The following SLC11A2 variants were observed in gnomAD, a reference collection of about 807,000 sequenced individuals.
The protein encoded by SLC11A2 is solute carrier family 11 member 2.
In SLC11A2, 38 loss-of-function variants were observed where a neutral mutation model predicts 68.0. The observed-to-expected ratio is 0.56, with a 90% CI of 0.43 to 0.73. SLC11A2 has a LOEUF of 0.73. Ranked by LOEUF, SLC11A2 falls within the 30% of genes least tolerant of loss-of-function variation. The probability of loss-of-function intolerance (pLI) is 0.00; values close to 1 mark genes in which losing one functional copy is unlikely to be tolerated. For missense variants in SLC11A2, 517 were observed against 690.5 expected (o/e 0.75, Z 2.82); for synonymous variants, 242 against 250.6 (o/e 0.97, Z 0.32).
At position 50,985,995 on chromosome 12, in the gene SLC11A2, G is replaced by T; in HGVS notation, c.*2330C>A. ...AAAAAATACCCAGGAAACCAAATTG[G>T]AAAAAGAAATTTTTTTTTAATTAGA... On this transcript the variant is annotated 3_prime_UTR_variant, in exon 16 of 16. Transcript: ENST00000262052. 2 of 1,145,982 alleles carry T rather than the reference G, an allele frequency of 1.7e-6. No homozygotes were observed. The highest frequency in any genetic ancestry group is 3.7e-5 in the South Asian group (2 of 54,150). The allele number at this position is 1,145,982 out of a possible 1,614,324, so 71.0% of individuals were successfully genotyped here. A position where few individuals can be genotyped will look rare whatever the true frequency, so the allele number is the denominator to read the frequency against.
chr12:51,015,180 T>C (rs1157144003), intron 1 of SLC11A2, among the ~76,000 whole-genome samples: 1 of 99,778 alleles, frequency 1.0e-5, no homozygotes, highest in East Asian at 2.9e-4. Context: ...AAAAAATTAA[T>C]AAAACTAGGG....
the SLC11A2 span, among the ~76,000 whole-genome samples, chr12:50,963,389 A>AAAAAAAAAAAAAAAAAAAG: frequency 7.4e-6 from 1 of 134,448 alleles, no homozygotes. Flanking sequence ...AAAAAAAAAA[A>AAAAAAAAAAAAAAAAAAAG]AAAAGAAAAG....
chr12:50,996,844 G>C lies in SLC11A2; in HGVS notation c.804C>G (p.Asn268Lys). Reference sequence around the variant, plus strand: ...TGACTAAGGCAGAATGCAGGTACATGTTGTGTGGCATGATGACAGCTCCCA... The same window carrying C: ...TGACTAAGGCAGAATGCAGGTACATCTTGTGTGGCATGATGACAGCTCCCA... Reference protein sequence around the residue: ...GIVGAVIMPHNMYLHSALVKS... With the variant: ...GIVGAVIMPHKMYLHSALVKS... Residue 268 changes from asparagine (N) to lysine (K), a missense_variant, in exon 9 of 16, where the codon AAC becomes AAG. By Grantham distance (94) the Asn-to-Lys change is moderately conservative. Transcript: ENST00000262052. 1.9e-6 allele frequency: 3 copies of C among 1,614,126 alleles called. No homozygotes were observed. The highest frequency in any genetic ancestry group is 2.5e-6 in the Non-Finnish European group (3 of 1,180,010).
At chr12:51,011,442 T>G (rs1435617322) in intron 1 of SLC11A2, among the ~76,000 whole-genome samples, 2 of 151,868 alleles carry the variant, frequency 1.3e-5, no homozygotes, top group East Asian at 3.9e-4. Flanking sequence ...AAATACTTTT[T>G]TAATAAGCAT....
chr12:50,976,791 C>T (rs1017770656), downstream of SLC11A2, among the ~76,000 whole-genome samples: 2 of 152,204 alleles, frequency 1.3e-5, no homozygotes, highest in African/African-American at 4.8e-5. Flanking sequence ...GCAACTTCAG[C>T]AAAGTCTCAG....
At chr12:50,967,488 G>A in the SLC11A2 span, among the ~76,000 whole-genome samples, 1 of 152,040 alleles carries the variant, frequency 6.6e-6, no homozygotes, top group African/African-American at 2.4e-5. Context: ...CATTGCCCAA[G>A]CTGGTCTCGA....
chr12:50,965,438 T>G, the SLC11A2 span, among the ~76,000 whole-genome samples: 1 of 152,060 alleles, frequency 6.6e-6, no homozygotes, highest in Admixed American at 6.6e-5. Flanking sequence ...TTTACTATTT[T>G]TCCTTCCACT....
intron 11 of SLC11A2, among the ~76,000 whole-genome samples, chr12:50,993,339 GA>G (rs1334435578): frequency 6.6e-6 from 1 of 152,076 alleles, no homozygotes; most frequent in African/African-American, 2.4e-5. Context: ...ACTGTTGGAG[GA>G]TCACAATGTA....
Position 50,990,940 on chromosome 12 carries a change from C to T in SLC11A2, c.1430G>A (p.Arg477Gln), listed in dbSNP as rs1555216476. 5 of 1,613,868 alleles carry T rather than the reference C, an allele frequency of 3.1e-6. No individual in the cohort carries two copies. Among genetic ancestry groups the T allele is most frequent in the Non-Finnish European group, 3.4e-6 (4 of 1,179,878 alleles). The stretch of plus-strand genomic sequence containing the variant: ...AAGGACCAAGATTCCTCCTGCAATC[C>T]GCCAGCCTCTGTAAAAGAAATCAGC... Reference protein sequence around the residue: ...MSDFANGLGWRIAGGILVLII... With the variant: ...MSDFANGLGWQIAGGILVLII... The change falls in exon 15 of 16, where the codon CGG (arginine) becomes CAG (glutamine). Residue 477 changes from arginine (R) to glutamine (Q), a missense_variant. By Grantham distance (43) the Arg-to-Gln change is conservative. Transcript: ENST00000262052.
At chr12:51,011,754 G>C (rs575501489) in intron 1 of SLC11A2, among the ~76,000 whole-genome samples, 2 of 151,690 alleles carry the variant, frequency 1.3e-5, no homozygotes, top group South Asian at 4.2e-4. Context: ...GTAGAGACAC[G>C]GTTTGACCAT....
At chr12:50,975,725 C>T (rs1425270708), downstream of SLC11A2, among the ~76,000 whole-genome samples, 1 of 151,980 alleles carries the variant, frequency 6.6e-6, no homozygotes, top group African/African-American at 2.4e-5. Context: ...AAAAGATCAA[C>T]AAAATTGATA....
the SLC11A2 span, among the ~76,000 whole-genome samples, chr12:50,958,768 G>C: frequency 6.6e-6 from 1 of 150,384 alleles, no homozygotes. Flanking sequence ...TGTAATCCCA[G>C]CACTTCAGGA....
At chr12:51,024,635 G>C (rs1944263076) in intron 1 of SLC11A2, 1 of 152,376 alleles carries the variant, frequency 6.6e-6, no homozygotes, top group South Asian at 2.1e-4. Flanking sequence ...TGGGCAACAA[G>C]AGCGAAACTC....
At chr12:50,992,446 A>C in intron 12 of SLC11A2, 107 bp from the exon 13 acceptor site, 1 of 1,059,928 alleles carries the variant, frequency 9.4e-7, no homozygotes, top group South Asian at 1.3e-5. Flanking sequence ...AAGTGACAAA[A>C]GGGGCCAGGC....
downstream of SLC11A2, among the ~76,000 whole-genome samples, chr12:50,977,082 A>C (rs1939858209): frequency 6.6e-6 from 1 of 152,250 alleles, no homozygotes; most frequent in African/African-American, 2.4e-5. Flanking sequence ...AAGGTAATTT[A>C]TAGATTCAAT....
intron 4 of SLC11A2, 133 bp downstream of exon 4, chr12:51,005,178 T>A: frequency 3.9e-6 from 4 of 1,032,320 alleles, no homozygotes; most frequent in Non-Finnish European, 6.0e-6. Flanking sequence ...GAAAGTACTT[T>A]ACACATAAGA....
upstream of SLC11A2, chr12:51,028,274 A>G (rs1156573191): frequency 1.4e-6 from 2 of 1,463,604 alleles, no homozygotes; most frequent in African/African-American, 1.4e-5. Flanking sequence ...GCCTCTATAT[A>G]TGAAGACAAG....
intron 1 of SLC11A2, among the ~76,000 whole-genome samples, chr12:51,019,582 T>C (rs1193473692): frequency 6.6e-6 from 1 of 152,188 alleles, no homozygotes; most frequent in Non-Finnish European, 1.5e-5. Flanking sequence ...TCTCCCTCTA[T>C]TTTTCCATTC....
chr12:50,966,204 C>A, the SLC11A2 span, among the ~76,000 whole-genome samples: 2 of 152,158 alleles, frequency 1.3e-5, no homozygotes, highest in African/African-American at 4.8e-5. Flanking sequence ...TTAGGGAGCC[C>A]AGCAGTTTGC....
Sources: allele counts gnomAD v4.1 joint callset (sites outside exome capture counted in the v4.1 genomes callset), GRCh38; gene constraint gnomAD v4.1.1; transcripts MANE v1.5; gene names NCBI Gene and HGNC (gene_info 2026-07-23, HGNC 2026-07-21).